Variants in HSPA8 observed in about 807,000 individuals in gnomAD.
HSPA8 encodes the protein heat shock cognate 71 kDa protein.
In HSPA8, 2 loss-of-function variants were observed where a neutral mutation model predicts 52.8. The observed-to-expected ratio is 0.04, with a 90% CI of 0.02 to 0.12. The LOEUF is 0.12. HSPA8 is among the 10% of genes least tolerant of loss of function. The pLI, the probability that HSPA8 is intolerant of heterozygous loss-of-function variation, is 1.00. For synonymous variants in HSPA8, 436 were observed against 274.0 expected (o/e 1.59, Z -5.84); for missense variants, 349 against 800.5 (o/e 0.44, Z 6.81).
Position 123,058,242 on chromosome 11 carries a change from A to AC in HSPA8, c.1755+9_1755+10insG, listed in dbSNP as rs778099181. The AC allele has an allele frequency of 3.3e-6, 5 of 1,517,646 alleles. No individual in the cohort carries two copies. The highest frequency in any genetic ancestry group is 2.8e-5 in the African/African-American group (2 of 70,976). The allele number at this position is 1,517,646 out of a possible 1,614,324, so 94.0% of individuals were successfully genotyped here. ...GTGGGGGAGGAAAAAAAAAAAAAAA[A>AC]AACACAAACCTGATTCTTATCAAGC... is the stretch of plus-strand genomic sequence containing the variant. On this transcript the variant is annotated intron_variant, in intron 8 of 8. Transcript: ENST00000534624.
intron 1 of HSPA8, 49 bp downstream of exon 1, chr11:123,062,015 G>A (rs903174188): frequency 6.5e-6 from 1 of 153,578 alleles, no homozygotes; most frequent in African/African-American, 2.4e-5. Flanking sequence ...CCTGTGTGGA[G>A]GCTGCACGCT....
At chr11:123,059,419 GC>G (rs1865426586) in intron 5 of HSPA8, 53 bp downstream of exon 5, 1 of 1,482,156 alleles carries the variant, frequency 6.7e-7, no homozygotes. Flanking sequence ...ACTCATCACA[GC>G]GAGTCACCTT....
chr11:123,062,150 C>G (rs973738876), upstream of HSPA8: 1 of 152,586 alleles, frequency 6.6e-6, no homozygotes, highest in African/African-American at 2.4e-5. Flanking sequence ...GGTTTCCGCC[C>G]GCCACCCTGC....
chr11:123,060,880 A>G, intron 2 of HSPA8, 82 bp from the exon 3 acceptor site: 1 of 1,272,576 alleles, frequency 7.9e-7, no homozygotes, highest in African/African-American at 1.5e-5. Context: ...TCAAATACCT[A>G]ACAGTTCATA....
intron 2 of HSPA8, 157 bp from the exon 3 acceptor site, chr11:123,060,955 G>T: frequency 1.1e-6 from 1 of 877,070 alleles, no homozygotes; most frequent in Non-Finnish European, 1.8e-6. Context: ...ACGTTATCCA[G>T]ATTTCAGCCT....
chr11:123,062,424 T>C (rs2236658), upstream of HSPA8: 20,655 of 152,272 alleles, frequency 0.14, 2,566 homozygotes, highest in East Asian at 0.39. Context: ...GCGCAGCGAG[T>C]CCGCGCGCGG....
At position 123,060,251 on chromosome 11, in the gene HSPA8, C is replaced by G; in HGVS notation, c.429G>C (p.Val143=). ...AYLGKTVTNA[V]VTVPAYFNDS... ...CATTAAAGTAAGCTGGCACTGTGACCACAGCATTGGTAACAGTCTAGGAAT... is the reference window on the plus strand; with the variant it reads ...CATTAAAGTAAGCTGGCACTGTGACGACAGCATTGGTAACAGTCTAGGAAT... The change falls in exon 4 of 9, where the codon GTG becomes GTC. Residue 143 remains valine (V), a synonymous_variant. Coordinates refer to ENST00000534624, the MANE Select transcript of HSPA8 (RefSeq NM_006597.6). 1 of 1,613,616 alleles carries G rather than the reference C, an allele frequency of 6.2e-7. No homozygotes were observed. The highest frequency in any genetic ancestry group is 8.5e-7 in the Non-Finnish European group (1 of 1,179,940).
In HSPA8 at chr11:123,059,040, G is replaced by A. The variant is rs201744629; in HGVS notation, c.1323+19C>T. ...TATCTGTTATCAGTAAGCCAAACAAGAGAAGTACAGAAACATACCTGAATA... is the reference window on the plus strand; with the variant it reads ...TATCTGTTATCAGTAAGCCAAACAAAAGAAGTACAGAAACATACCTGAATA... On this transcript the variant is annotated intron_variant, in intron 6 of 8. Coordinates refer to ENST00000534624, the MANE Select transcript of HSPA8 (RefSeq NM_006597.6). The A allele has an allele frequency of 5.0e-6, 8 of 1,602,610 alleles. No homozygotes were observed. Among genetic ancestry groups the A allele is most frequent in the African/African-American group, 2.7e-5 (2 of 74,788 alleles).
rs769131425 is a variant in HSPA8, at chr11:123,061,130, G to A, written c.195C>T (p.Asn65=). Residue 65 remains asparagine, a synonymous_variant, in exon 2 of 9, where the codon AAC becomes AAT. Transcript: ENST00000534624. ...AKNQVAMNPT[N]TVFDAKRLIG... Reference sequence around the variant, plus strand: ...AAATTAGGAACTCACCAAAAACTGTGTTGGTGGGGTTCATTGCAACTTGAT... The same window carrying A: ...AAATTAGGAACTCACCAAAAACTGTATTGGTGGGGTTCATTGCAACTTGAT... 3.7e-6 allele frequency: 6 copies of A among 1,612,976 alleles called. No individual in the cohort carries two copies. The highest frequency in any genetic ancestry group is 3.3e-5 in the South Asian group (3 of 90,848).
chr11:123,060,820 AAC>A (rs3057456), intron 2 of HSPA8, 22 bp from the exon 3 acceptor site: 287,275 of 1,599,742 alleles, frequency 0.18, 28,737 homozygotes, highest in African/African-American at 0.4. Flanking sequence ...GTCAAATGAA[AAC>A]ACTTTCAATT....
Position 123,062,133 on chromosome 11 carries a change from T to G in HSPA8, c.-75A>C, listed in dbSNP as rs1453941295. On this transcript the variant is annotated 5_prime_UTR_variant, in exon 1 of 9. Transcript: ENST00000534624. ...ACCCAAGAGCTGCAGGCGAGTTCAA[T>G]GAGACCGGTTTCCGCCCGCCACCCT... 1.3e-5 allele frequency: 2 copies of G among 152,652 alleles called. No individual in the cohort carries two copies. The highest frequency in any genetic ancestry group is 2.4e-5 in the African/African-American group (1 of 41,420). The allele number at this position is 152,652 out of a possible 1,614,324, so 9.5% of individuals were successfully genotyped here. A position where few individuals can be genotyped will look rare whatever the true frequency, so the allele number is the denominator to read the frequency against.
chr11:123,061,090 T>C, intron 2 of HSPA8, 30 bp downstream of exon 2: 1 of 1,585,776 alleles, frequency 6.3e-7, no homozygotes, highest in Non-Finnish European at 8.7e-7. Context: ...CCTGTTATAT[T>C]TGTTCTGTCA....
chr11:123,061,907 T>A (rs905464945), intron 1 of HSPA8, 157 bp downstream of exon 1: 2 of 157,050 alleles, frequency 1.3e-5, no homozygotes, highest in African/African-American at 4.8e-5. Context: ...ACCGCTGCCA[T>A]CCCACCGAAA....
At chr11:123,060,316 A>G (rs868586963) in intron 3 of HSPA8, 48 bp from the exon 4 acceptor site, 2 of 1,552,728 alleles carry the variant, frequency 1.3e-6, no homozygotes, top group Middle Eastern at 1.7e-4. Context: ...ATACTTACAT[A>G]TATGCAAACT....
chr11:123,061,416 G>T (rs1418716719), intron 1 of HSPA8, 87 bp from the exon 2 acceptor site: 2 of 996,108 alleles, frequency 2.0e-6, no homozygotes, highest in Non-Finnish European at 3.1e-6. Context: ...CAGGAAAAAC[G>T]TATGGCCACT....
At chr11:123,059,378 T>G in intron 5 of HSPA8, 95 bp downstream of exon 5, 1 of 1,399,092 alleles carries the variant, frequency 7.1e-7, no homozygotes, top group Non-Finnish European at 9.9e-7. Flanking sequence ...TTAGCCAAGC[T>G]TTTGGTGGAA....
intron 2 of HSPA8, 160 bp from the exon 3 acceptor site, chr11:123,060,958 T>C (rs1865480546): frequency 1.2e-5 from 11 of 881,918 alleles, no homozygotes; most frequent in Non-Finnish European, 1.2e-5. Flanking sequence ...TTATCCAGAT[T>C]TCAGCCTGAA....
Position 123,060,632 on chromosome 11 carries a change from C to T in HSPA8, c.372G>A (p.Leu124=). 1 of 1,613,858 alleles carries T rather than the reference C, an allele frequency of 6.2e-7. No individual in the cohort carries two copies. Among genetic ancestry groups the T allele is most frequent in the Non-Finnish European group, 8.5e-7 (1 of 1,179,834 alleles). The change falls in exon 3 of 9, where the codon CTG becomes CTA. Residue 124 remains leucine, a synonymous_variant. Transcript: ENST00000534624. ...FYPEEVSSMV[L]TKMKEIAEAY... ...CTTCTGCAATTTCCTTCATCTTTGT[C>T]AGAACCATAGAAGACACCTCCTCTG... is the stretch of plus-strand genomic sequence containing the variant.
chr11:123,058,071 C>A, intron 8 of HSPA8, 152 bp from the exon 9 acceptor site: 1 of 728,966 alleles, frequency 1.4e-6, no homozygotes, highest in South Asian at 1.8e-5. Flanking sequence ...TCCTTAACAT[C>A]TTGGGTCACT....
Sources: allele counts gnomAD v4.1 joint callset, GRCh38; gene constraint gnomAD v4.1.1; transcripts MANE v1.5; gene names NCBI Gene and HGNC (gene_info 2026-07-23, HGNC 2026-07-21).